STK39: variants seen among roughly 807,000 people sequenced by gnomAD.
STK39 encodes STE20/SPS1-related proline-alanine-rich protein kinase.
STK39 carries 20 observed loss-of-function variants against 77.8 expected under a neutral mutation model. The ratio of observed to expected loss-of-function variants is 0.26; its 90% confidence interval spans 0.18 to 0.37. The LOEUF is 0.37. Ranked by LOEUF, STK39 falls within the 10% of genes least tolerant of loss-of-function variation. The probability of loss-of-function intolerance (pLI) is 1.00; values close to 1 mark genes in which losing one functional copy is unlikely to be tolerated. For missense variants in STK39, 479 were observed against 656.5 expected, an observed-to-expected ratio of 0.73 and a Z score of 2.95; for synonymous variants, 246 against 234.1, an observed-to-expected ratio of 1.05 and a Z score of -0.47.
At position 168,056,737 on chromosome 2, in the gene STK39, T is replaced by C. The variant is rs1420605551; in HGVS notation, c.1376+6763A>G. Among the ~76,000 whole-genome samples, 4 of 152,168 alleles carry C rather than the reference T, an allele frequency of 2.6e-5. No individual in the cohort carries two copies. The East Asian group carries it at 7.7e-4, about 29-fold the overall frequency. ...GTATATGTACAAATGCATTCACATA[T>C]ATCAGAGTCTTGAATGGAGATGGAA... On this transcript the variant is annotated intron_variant, in intron 14 of 17. Transcript: ENST00000355999.
chr2:167,994,829 C>A (rs969120771), intron 16 of STK39, among the ~76,000 whole-genome samples: 16 of 152,150 alleles, frequency 1.1e-4, no homozygotes, highest in Admixed American at 5.2e-4. Flanking sequence ...AGAGAAGTCT[C>A]CAGTACAGCT....
intron 1 of STK39, among the ~76,000 whole-genome samples, chr2:168,215,082 G>A (rs575020438): frequency 2.8e-4 from 43 of 152,256 alleles, no homozygotes; most frequent in African/African-American, 1.0e-3. Context: ...ATATGCCAAC[G>A]AATGAAGGTT....
Position 168,065,381 on chromosome 2 carries a change from T to C in STK39, c.1243A>G (p.Ile415Val), listed in dbSNP as rs376856499. 2 of 1,613,886 alleles carry C rather than the reference T, an allele frequency of 1.2e-6. No individual in the cohort carries two copies. Among genetic ancestry groups the C allele is most frequent in the Non-Finnish European group, 1.7e-6 (2 of 1,179,920 alleles). ...SRRVKEENPE[I>V]AVSASTIPEQ... ...GGGATGGTGCTGGCACTCACTGCAATCTGTTACGAGAGCCACCGTTACAGC... is the reference window on the plus strand; with the variant it reads ...GGGATGGTGCTGGCACTCACTGCAACCTGTTACGAGAGCCACCGTTACAGC... The change falls in exon 13 of 18, where the codon ATT becomes GTT. Residue 415 changes from isoleucine to valine, a missense_variant and splice_region_variant. Coordinates refer to ENST00000355999, the MANE Select transcript of STK39 (RefSeq NM_013233.3).
At chr2:168,121,879 A>G (rs1030961788) in intron 10 of STK39, among the ~76,000 whole-genome samples, 2 of 152,194 alleles carry the variant, frequency 1.3e-5, no homozygotes, top group Non-Finnish European at 2.9e-5. Flanking sequence ...TCTGCCTTAC[A>G]GGTTAGGCTC....
intron 17 of STK39, among the ~76,000 whole-genome samples, chr2:167,962,072 G>A (rs914671838): frequency 6.6e-6 from 1 of 152,136 alleles, no homozygotes; most frequent in Non-Finnish European, 1.5e-5. Flanking sequence ...ACTGTGCAGG[G>A]AGGTAAAGAA....
At chr2:168,118,850 T>C (rs1165730898) in intron 10 of STK39, among the ~76,000 whole-genome samples, 3 of 152,096 alleles carry the variant, frequency 2.0e-5, no homozygotes, top group Non-Finnish European at 2.9e-5. Context: ...TAGCACCCCC[T>C]AGTGACCAAA....
intron 16 of STK39, among the ~76,000 whole-genome samples, chr2:167,970,291 A>G (rs1378132108): frequency 1.3e-5 from 2 of 152,194 alleles, no homozygotes; most frequent in Non-Finnish European, 2.9e-5. Context: ...ATGAGCTCCA[A>G]TGAATACAGG....
intron 2 of STK39, among the ~76,000 whole-genome samples, chr2:168,175,581 C>T (rs1327430079): frequency 1.3e-5 from 2 of 152,116 alleles, no homozygotes; most frequent in East Asian, 1.9e-4. Flanking sequence ...TTTTCTCCAA[C>T]CAAATTATAC....
At chr2:168,025,040 G>C (rs1182960786) in intron 14 of STK39, among the ~76,000 whole-genome samples, 2 of 152,088 alleles carry the variant, frequency 1.3e-5, no homozygotes, top group African/African-American at 4.8e-5. Flanking sequence ...GCCTCTCCCT[G>C]GCTTCTGTAA....
intron 10 of STK39, among the ~76,000 whole-genome samples, chr2:168,119,166 T>C (rs991036477): frequency 6.6e-6 from 1 of 152,140 alleles, no homozygotes; most frequent in Admixed American, 6.6e-5. Context: ...AAACACAAAG[T>C]GGAGAGAGGA....
chr2:167,998,595 C>T lies in STK39; in HGVS notation c.1498+14039G>A, dbSNP rs149468600. On this transcript the variant is annotated intron_variant, in intron 16 of 17. Transcript: ENST00000355999. ...GTTACCAATTAATATAAAGAAGATG[C>T]CCGTGATTAATGCCTAAGTTGGTGT... Among the ~76,000 whole-genome samples, 38 of 150,486 alleles carry T rather than the reference C, an allele frequency of 2.5e-4. 2 individuals are homozygous for T. The East Asian group carries it at 5.2e-3, about 21-fold the overall frequency.
chr2:168,004,551 C>T (rs934336854), intron 16 of STK39, among the ~76,000 whole-genome samples: 6 of 151,480 alleles, frequency 4.0e-5, no homozygotes, highest in Non-Finnish European at 7.4e-5. Context: ...GGTAACAGGG[C>T]GAAACCCCGT....
intron 14 of STK39, among the ~76,000 whole-genome samples, chr2:168,019,547 G>A (rs2105324075): frequency 6.6e-6 from 1 of 152,302 alleles, no homozygotes; most frequent in Non-Finnish European, 1.5e-5. Context: ...GCACAAAATT[G>A]TAGGTAACTA....
At position 167,964,661 on chromosome 2, in the gene STK39, C is replaced by G; in HGVS notation, c.1563+1G>C. ...CCTTCTTTCCATAACTTTCCACTTACCAACTTAAATGTCAATGTTTTTAAA... is the reference window on the plus strand; with the variant it reads ...CCTTCTTTCCATAACTTTCCACTTAGCAACTTAAATGTCAATGTTTTTAAA... On this transcript the variant is annotated splice_donor_variant, in intron 17 of 17. Coordinates refer to ENST00000355999, the MANE Select transcript of STK39 (RefSeq NM_013233.3). LOFTEE classifies it high-confidence loss of function. 6.2e-7 allele frequency: 1 copy of G among 1,609,532 alleles called. No homozygotes were observed.
chr2:168,022,250 A>G (rs1684588931), intron 14 of STK39, among the ~76,000 whole-genome samples: 1 of 152,206 alleles, frequency 6.6e-6, no homozygotes, highest in Non-Finnish European at 1.5e-5. Context: ...GCATAAATAC[A>G]AGTATAAAAA....
intron 4 of STK39, among the ~76,000 whole-genome samples, chr2:168,162,329 T>C (rs564071229): frequency 6.6e-5 from 10 of 150,402 alleles, no homozygotes; most frequent in African/African-American, 2.4e-4. Flanking sequence ...AGGATCCACC[T>C]GTCACTTTAT....
chr2:168,163,192 T>C (rs1233929994), intron 4 of STK39, among the ~76,000 whole-genome samples: 1 of 152,176 alleles, frequency 6.6e-6, no homozygotes, highest in African/African-American at 2.4e-5. Flanking sequence ...TCATATTCTA[T>C]GTGATTTGAC....
intron 14 of STK39, among the ~76,000 whole-genome samples, chr2:168,055,951 C>G (rs1030798647): frequency 2.0e-4 from 30 of 152,150 alleles, no homozygotes; most frequent in African/African-American, 7.2e-4. Flanking sequence ...TTACCTTGTA[C>G]GGGCTTTATG....
At chr2:168,202,095 T>A (rs539234711) in intron 1 of STK39, among the ~76,000 whole-genome samples, 92 of 152,250 alleles carry the variant, frequency 6.0e-4, no homozygotes, top group African/African-American at 2.0e-3. Flanking sequence ...CCAGGATTTC[T>A]CCAAGTGTTA....
Sources: gnomAD v4.1 joint callset for allele counts (sites outside exome capture counted in the v4.1 genomes callset) on GRCh38, gnomAD v4.1.1 for gene constraint, MANE v1.5 for transcripts, NCBI Gene and HGNC (gene_info 2026-07-23, HGNC 2026-07-21) for gene names.